The following SMIM36 variants were observed in gnomAD, a reference collection of about 807,000 sequenced individuals.
The protein encoded by SMIM36 is small integral membrane protein 36.
At chr17:55,508,464 A>G (rs1180255439) in intron 1 of SMIM36, among the ~76,000 whole-genome samples, 1 of 119,058 alleles carries the variant, frequency 8.4e-6, no homozygotes, top group African/African-American at 3.1e-5. Context: ...ATATATATAT[A>G]TATATGAACC....
chr17:55,456,119 A>C, intron 4 of SMIM36, among the ~76,000 whole-genome samples: 1 of 109,986 alleles, frequency 9.1e-6, no homozygotes. Context: ...ACTGTCTCAA[A>C]AAAAAAAAAA....
At chr17:55,507,815 C>T (rs1449170400) in intron 1 of SMIM36, among the ~76,000 whole-genome samples, 1 of 152,182 alleles carries the variant, frequency 6.6e-6, no homozygotes, top group Non-Finnish European at 1.5e-5. Context: ...TGCAATTCTC[C>T]CATTAGTTCA....
the SMIM36 span, among the ~76,000 whole-genome samples, chr17:55,518,522 T>G: frequency 6.6e-6 from 1 of 152,072 alleles, no homozygotes; most frequent in Non-Finnish European, 1.5e-5. Context: ...GTTTTGAGAT[T>G]TTGCTAAAAT....
At chr17:55,492,993 G>A (rs950387221) in intron 1 of SMIM36, among the ~76,000 whole-genome samples, 16 of 152,160 alleles carry the variant, frequency 1.1e-4, no homozygotes, top group African/African-American at 3.1e-4. Flanking sequence ...TCACCAACGC[G>A]GGGACAGTTA....
At chr17:55,530,318 C>A in the SMIM36 span, among the ~76,000 whole-genome samples, 1 of 152,182 alleles carries the variant, frequency 6.6e-6, no homozygotes, top group Non-Finnish European at 1.5e-5. Flanking sequence ...GCTCTAGGAA[C>A]TCAGAATGAT....
chr17:55,483,659 T>A (rs1043311983), intron 1 of SMIM36, among the ~76,000 whole-genome samples: 1 of 152,160 alleles, frequency 6.6e-6, no homozygotes, highest in Non-Finnish European at 1.5e-5. Context: ...TGAACTAATT[T>A]CTTTTTTTGA....
chr17:55,495,569 G>A (rs1397108802), intron 1 of SMIM36, among the ~76,000 whole-genome samples: 1 of 152,104 alleles, frequency 6.6e-6, no homozygotes, highest in East Asian at 1.9e-4. Flanking sequence ...GTAAGGATCG[G>A]TTGAGGACAG....
chr17:55,455,820 A>G (rs926219029), intron 4 of SMIM36, among the ~76,000 whole-genome samples: 1 of 151,606 alleles, frequency 6.6e-6, no homozygotes, highest in Non-Finnish European at 1.5e-5. Flanking sequence ...ACAAACAAAC[A>G]AAAACAAAAA....
intron 1 of SMIM36, among the ~76,000 whole-genome samples, chr17:55,496,399 GA>G (rs796316996): frequency 1.7e-4 from 25 of 149,302 alleles, no homozygotes; most frequent in Admixed American, 4.0e-4. Flanking sequence ...GAAGCCTTGA[GA>G]AAAAAAAAAT....
intron 1 of SMIM36, among the ~76,000 whole-genome samples, chr17:55,504,524 C>A (rs1910049538): frequency 1.7e-5 from 1 of 59,736 alleles, no homozygotes; most frequent in Non-Finnish European, 2.7e-5. Context: ...TCTTTGAAAC[C>A]AACGAGAACA....
intron 1 of SMIM36, among the ~76,000 whole-genome samples, chr17:55,501,431 T>TA (rs1464835615): frequency 5.8e-4 from 42 of 72,816 alleles, no homozygotes; most frequent in African/African-American, 2.1e-3. Flanking sequence ...TAATATATTA[T>TA]TATATATTAT....
intron 3 of SMIM36, among the ~76,000 whole-genome samples, chr17:55,475,768 T>G (rs1014777300): frequency 1.3e-5 from 2 of 152,074 alleles, no homozygotes; most frequent in Non-Finnish European, 2.9e-5. Context: ...TTTTCCTCCC[T>G]CTCTTATTTG....
the SMIM36 span, among the ~76,000 whole-genome samples, chr17:55,523,185 G>C: frequency 6.6e-6 from 1 of 152,230 alleles, no homozygotes; most frequent in Non-Finnish European, 1.5e-5. Context: ...CTTTGAAGAA[G>C]AGGAAATGAG....
At chr17:55,499,770 A>T (rs531393215) in intron 1 of SMIM36, among the ~76,000 whole-genome samples, 2 of 152,266 alleles carry the variant, frequency 1.3e-5, no homozygotes, top group South Asian at 4.1e-4. Flanking sequence ...TGTCACATAA[A>T]CCTCTTGGTT....
intron 3 of SMIM36, among the ~76,000 whole-genome samples, chr17:55,475,821 G>T (rs571403888): frequency 6.6e-6 from 1 of 151,936 alleles, no homozygotes; most frequent in Non-Finnish European, 1.5e-5. Context: ...ATACAAAACC[G>T]CATCCAGACC....
At chr17:55,451,375 G>T (rs906010990) in intron 4 of SMIM36, among the ~76,000 whole-genome samples, 3 of 152,282 alleles carry the variant, frequency 2.0e-5, no homozygotes, top group South Asian at 2.1e-4. Context: ...GATCTTTCTT[G>T]TCTTTGTGTC....
At chr17:55,495,600 C>T (rs1038738373) in intron 1 of SMIM36, among the ~76,000 whole-genome samples, 3 of 151,248 alleles carry the variant, frequency 2.0e-5, no homozygotes, top group Non-Finnish European at 4.4e-5. Context: ...CAAGCCTGGG[C>T]AACATAGTGA....
In SMIM36 at chr17:55,474,355, G is replaced by A. The variant is rs188842687; in HGVS notation, c.*347+4407C>T. ...GGACTACAGCCAGCTTGAGTGATGCGGATCCTGAGAGTGCTCCCAGGTAGG... is the reference window on the plus strand; with the variant it reads ...GGACTACAGCCAGCTTGAGTGATGCAGATCCTGAGAGTGCTCCCAGGTAGG... On this transcript the variant is annotated intron_variant, in intron 3 of 4. Transcript: ENST00000636752. Among the ~76,000 whole-genome samples, 76 of 152,238 alleles carry A rather than the reference G, an allele frequency of 5.0e-4. 1 individual carries two copies. The East Asian group carries it at 7.9e-3, about 16-fold the overall frequency.
In SMIM36 at chr17:55,489,914, T is replaced by G. The variant is rs182143659; in HGVS notation, c.*175-10334A>C. On this transcript the variant is annotated intron_variant, in intron 1 of 4. Coordinates refer to ENST00000636752, the Ensembl canonical transcript of SMIM36. The stretch of plus-strand genomic sequence containing the variant: ...CCCCGGCTGGAGTGCAGTGGCACAA[T>G]CTCGGCTCACTGCAACCTCTGCCTC... Among the ~76,000 whole-genome samples, 725 of 152,126 alleles carry G rather than the reference T, an allele frequency of 4.8e-3. 5 individuals are homozygous for G. The highest frequency in any genetic ancestry group is 0.011 in the South Asian group (53 of 4,818).
Sources: gnomAD v4.1 joint callset for allele counts (sites outside exome capture counted in the v4.1 genomes callset) on GRCh38, gnomAD v4.1.1 for gene constraint, MANE v1.5 for transcripts, NCBI Gene and HGNC (gene_info 2026-07-23, HGNC 2026-07-21) for gene names.